The following PUS10 variants were observed in gnomAD, a reference collection of about 807,000 sequenced individuals.
PUS10 encodes pseudouridine synthase 10.
Under a neutral mutation model 75.0 loss-of-function variants are expected in PUS10, and 59 were observed. That is an observed-to-expected ratio of 0.79 (90% confidence interval 0.64 to 0.98). PUS10 has a LOEUF of 0.98. PUS10 is among the 50% of genes least tolerant of loss of function. The pLI is 0.00. For missense variants in PUS10, 650 were observed against 614.4 expected (o/e 1.06, Z -0.61); for synonymous variants, 219 against 211.6 (o/e 1.03, Z -0.30).
intron 3 of PUS10, among the ~76,000 whole-genome samples, chr2:61,007,808 G>A (rs1002240149): frequency 6.6e-6 from 1 of 150,948 alleles, no homozygotes; most frequent in Non-Finnish European, 1.5e-5. Flanking sequence ...GAATTTGGCC[G>A]GGCACGGTGG....
intron 15 of PUS10, among the ~76,000 whole-genome samples, chr2:60,950,280 G>A (rs75185452): frequency 8.5e-5 from 13 of 152,208 alleles, no homozygotes; most frequent in African/African-American, 3.1e-4. Context: ...ACATTATTCT[G>A]CACTTTGCTT....
At chr2:60,992,043 G>A (rs369687719) in intron 4 of PUS10, among the ~76,000 whole-genome samples, 65 of 146,828 alleles carry the variant, frequency 4.4e-4, no homozygotes, top group African/African-American at 1.5e-3. Flanking sequence ...ACAGGGTTTC[G>A]CTCTGTCACC....
intron 4 of PUS10, among the ~76,000 whole-genome samples, chr2:61,002,286 C>T (rs1380736226): frequency 6.6e-6 from 1 of 152,214 alleles, no homozygotes; most frequent in African/African-American, 2.4e-5. Context: ...TCAGATAACA[C>T]ACTTTTAGTT....
chr2:60,966,201 A>C (rs1676328699), intron 6 of PUS10: 1 of 152,178 alleles, frequency 6.6e-6, no homozygotes, highest in African/African-American at 2.4e-5. Context: ...AAGCTGTAGA[A>C]AATTTTTCTG....
chr2:60,998,817 G>C (rs1678654943), intron 4 of PUS10: 1 of 152,178 alleles, frequency 6.6e-6, no homozygotes, highest in Non-Finnish European at 1.5e-5. Flanking sequence ...GCAGGGTCAG[G>C]CCTGGTTAGC....
At chr2:60,972,327 G>A (rs964569087) in intron 4 of PUS10, among the ~76,000 whole-genome samples, 5 of 151,452 alleles carry the variant, frequency 3.3e-5, no homozygotes, top group Non-Finnish European at 5.9e-5. Context: ...AAAATTAGCC[G>A]GGCGTGGAGG....
At chr2:60,960,843 T>TAAAAAAAAAA (rs34578958) in intron 10 of PUS10, among the ~76,000 whole-genome samples, 2 of 120,664 alleles carry the variant, frequency 1.7e-5, no homozygotes, top group Non-Finnish European at 1.7e-5. Context: ...ATACCAAGGA[T>TAAAAAAAAAA]AAAAAAAAAA....
intron 4 of PUS10, among the ~76,000 whole-genome samples, chr2:60,988,363 A>C (rs1017806807): frequency 6.6e-6 from 1 of 152,136 alleles, no homozygotes; most frequent in Non-Finnish European, 1.5e-5. Context: ...TTCTCCTCAT[A>C]GTCCTCCCTG....
chr2:60,950,061 A>G (rs1368384967), intron 15 of PUS10, among the ~76,000 whole-genome samples: 3 of 152,234 alleles, frequency 2.0e-5, no homozygotes, highest in Non-Finnish European at 2.9e-5. Flanking sequence ...TCATTTTGCA[A>G]TCTTAAAGAT....
At chr2:60,956,419 C>T (rs150971982) in intron 11 of PUS10, among the ~76,000 whole-genome samples, 51 of 152,276 alleles carry the variant, frequency 3.3e-4, no homozygotes, top group Non-Finnish European at 5.9e-4. Context: ...CGGTCAGCCC[C>T]GTCAGGAAAA....
rs1166848401 is a variant in PUS10, at chr2:61,009,034, A to C, written c.127-19T>G. 6.3e-7 allele frequency: 1 copy of C among 1,598,730 alleles called. No homozygotes were observed. The highest frequency in any genetic ancestry group is 8.5e-7 in the Non-Finnish European group (1 of 1,174,190). The stretch of plus-strand genomic sequence containing the variant: ...GCAACTCCTGGAAAGTTAATGAAAG[A>C]AAAAGTAATGACCCACTGACAATGT... On this transcript the variant is annotated intron_variant, in intron 2 of 17. Transcript: ENST00000316752.
chr2:60,973,397 T>C (rs1252222212), intron 4 of PUS10, among the ~76,000 whole-genome samples: 1 of 152,196 alleles, frequency 6.6e-6, no homozygotes, highest in African/African-American at 2.4e-5. Context: ...AGGGGTCTGC[T>C]CCCGCTCCCT....
chr2:60,954,836 G>GT (rs1329203794), intron 12 of PUS10, among the ~76,000 whole-genome samples, 182 bp downstream of exon 12: 1 of 152,206 alleles, frequency 6.6e-6, no homozygotes, highest in African/African-American at 2.4e-5. Context: ...AATGATTCCT[G>GT]TTAAGGTGTA....
intron 4 of PUS10, among the ~76,000 whole-genome samples, chr2:60,991,307 G>C (rs1678060738): frequency 1.3e-5 from 2 of 152,172 alleles, no homozygotes; most frequent in African/African-American, 4.8e-5. Flanking sequence ...TGTGAATATT[G>C]ACTGATTGTA....
intron 16 of PUS10, among the ~76,000 whole-genome samples, 156 bp downstream of exon 16, chr2:60,947,887 C>A (rs545059612): frequency 1.2e-3 from 180 of 146,008 alleles, no homozygotes; most frequent in African/African-American, 4.3e-3. Context: ...TGGGAAAAAA[C>A]CACATCCAAC....
intron 16 of PUS10, among the ~76,000 whole-genome samples, chr2:60,947,290 G>T (rs1458429744): frequency 6.6e-6 from 1 of 152,090 alleles, no homozygotes; most frequent in Non-Finnish European, 1.5e-5. Context: ...TAAAGATCCT[G>T]ATGTAAAGTA....
chr2:61,015,556 A>G (rs1214688922), intron 1 of PUS10, among the ~76,000 whole-genome samples: 1 of 152,000 alleles, frequency 6.6e-6, no homozygotes, highest in Non-Finnish European at 1.5e-5. Flanking sequence ...AAAATTAGCC[A>G]TGCGTGGTGG....
intron 15 of PUS10, among the ~76,000 whole-genome samples, chr2:60,951,945 A>AGT (rs1443590112): frequency 9.2e-5 from 14 of 152,360 alleles, no homozygotes; most frequent in African/African-American, 2.9e-4. Flanking sequence ...TCCTTCTAGT[A>AGT]GGTCATCTAG....
At chr2:60,980,379 A>G (rs954660941) in intron 4 of PUS10, among the ~76,000 whole-genome samples, 3 of 152,196 alleles carry the variant, frequency 2.0e-5, no homozygotes, top group Non-Finnish European at 4.4e-5. Context: ...GCCCCATTCT[A>G]AGGATACCTC....
Sources: gnomAD v4.1 joint callset for allele counts (sites outside exome capture counted in the v4.1 genomes callset) on GRCh38, gnomAD v4.1.1 for gene constraint, MANE v1.5 for transcripts, NCBI Gene and HGNC (gene_info 2026-07-23, HGNC 2026-07-21) for gene names.